The following SKAP1 variants were observed in gnomAD, a reference collection of about 807,000 sequenced individuals.
SKAP1 encodes the protein src kinase associated phosphoprotein 1, also known as src kinase-associated phosphoprotein 1.
A neutral mutation model predicts 58.5 loss-of-function variants in SKAP1; 44 were observed. The observed-to-expected ratio is 0.75, with a 90% CI of 0.59 to 0.97. The LOEUF (loss-of-function observed/expected upper bound fraction) is 0.97, where lower values mean the gene tolerates loss of function less well. Ranked by LOEUF, SKAP1 falls within the 50% of genes least tolerant of loss-of-function variation. SKAP1 has a pLI of 0.00. For synonymous variants in SKAP1, 127 were observed against 149.7 expected, an observed-to-expected ratio of 0.85 and a Z score of 1.11; for missense variants, 390 against 435.2, an observed-to-expected ratio of 0.90 and a Z score of 0.92.
intron 5 of SKAP1, 105 bp from the exon 6 acceptor site, chr17:48,188,031 C>T (rs893337985): frequency 1.2e-6 from 1 of 816,518 alleles, no homozygotes; most frequent in South Asian, 1.6e-5. Context: ...TTTTATTTCC[C>T]AGGTTAATGG....
chr17:48,184,028 T>C (rs1439075578), intron 7 of SKAP1, among the ~76,000 whole-genome samples: 6 of 152,170 alleles, frequency 3.9e-5, no homozygotes, highest in African/African-American at 1.4e-4. Context: ...ACATTTTTGG[T>C]GAAAATCACT....
At chr17:48,420,361 G>A (rs2067778923) in intron 1 of SKAP1, among the ~76,000 whole-genome samples, 1 of 152,166 alleles carries the variant, frequency 6.6e-6, no homozygotes, top group Non-Finnish European at 1.5e-5. Context: ...CTTAGGGAAA[G>A]AACTGTCATT....
chr17:48,227,822 G>T (rs902210170), intron 4 of SKAP1, among the ~76,000 whole-genome samples: 1 of 152,186 alleles, frequency 6.6e-6, no homozygotes, highest in Non-Finnish European at 1.5e-5. Flanking sequence ...TGAGACTTCA[G>T]CGAACTGATC....
At chr17:48,243,542 C>A (rs1286907426) in intron 4 of SKAP1, among the ~76,000 whole-genome samples, 3 of 152,112 alleles carry the variant, frequency 2.0e-5, no homozygotes, top group Admixed American at 6.5e-5. Context: ...AACATGGTAA[C>A]ATATATCCAT....
chr17:48,432,205 C>T (rs907941626), upstream of SKAP1, among the ~76,000 whole-genome samples: 7 of 152,108 alleles, frequency 4.6e-5, no homozygotes, highest in African/African-American at 4.8e-5. Flanking sequence ...CCAAGGCAGG[C>T]GGATCACGAG....
At chr17:48,139,966 G>A (rs926847897) in intron 11 of SKAP1, among the ~76,000 whole-genome samples, 5 of 152,192 alleles carry the variant, frequency 3.3e-5, no homozygotes, top group Non-Finnish European at 5.9e-5. Flanking sequence ...ACCATTGCCT[G>A]TAAAGTAAAT....
In SKAP1 at chr17:48,335,088, A is replaced by G. The variant is rs984596172; in HGVS notation, c.280+10817T>C. 2.8e-4 allele frequency among the ~76,000 whole-genome samples: 42 copies of G among 151,802 alleles called. 1 individual carries two copies. The highest frequency in any genetic ancestry group is 2.1e-4 in the South Asian group (1 of 4,830). On this transcript the variant is annotated intron_variant, in intron 4 of 12. Coordinates refer to ENST00000336915, the MANE Select transcript of SKAP1 (RefSeq NM_003726.4). ...GCTATGTCTATATCATTCTTCTCTTACAATTCCTCAATTAGTATAATATTC... is the reference window on the plus strand; with the variant it reads ...GCTATGTCTATATCATTCTTCTCTTGCAATTCCTCAATTAGTATAATATTC...
intron 1 of SKAP1, among the ~76,000 whole-genome samples, chr17:48,408,970 G>A (rs1163448412): frequency 6.6e-6 from 1 of 152,154 alleles, no homozygotes; most frequent in African/African-American, 2.4e-5. Context: ...ATTTAACCAA[G>A]CTCCCCATCA....
At chr17:48,379,142 T>C (rs944125619) in intron 2 of SKAP1, among the ~76,000 whole-genome samples, 1 of 152,152 alleles carries the variant, frequency 6.6e-6, no homozygotes. Context: ...AATGAAGAAT[T>C]TTTTCCCCCA....
intron 11 of SKAP1, chr17:48,156,494 T>C (rs1338531929): frequency 1.9e-6 from 1 of 526,764 alleles, no homozygotes; most frequent in East Asian, 5.6e-5. Flanking sequence ...TTGAGCTGCA[T>C]CCTGGCTCCG....
At chr17:48,405,602 A>G (rs566200399) in intron 1 of SKAP1, among the ~76,000 whole-genome samples, 1 of 150,702 alleles carries the variant, frequency 6.6e-6, no homozygotes, top group East Asian at 2.0e-4. Flanking sequence ...TCCTGGGTTC[A>G]AGTGATTCCC....
intron 4 of SKAP1, among the ~76,000 whole-genome samples, chr17:48,201,841 C>T (rs1281335741): frequency 6.6e-6 from 1 of 152,190 alleles, no homozygotes; most frequent in Non-Finnish European, 1.5e-5. Context: ...TAACTGATTA[C>T]TCTTTAGGAA....
chr17:48,365,944 T>C (rs766465266), intron 2 of SKAP1, among the ~76,000 whole-genome samples: 9 of 151,820 alleles, frequency 5.9e-5, no homozygotes, highest in Non-Finnish European at 1.3e-4. Flanking sequence ...TCACTAGAGG[T>C]AGAAACTAAA....
intron 4 of SKAP1, among the ~76,000 whole-genome samples, chr17:48,309,809 T>C (rs913591180): frequency 7.2e-5 from 11 of 152,194 alleles, no homozygotes; most frequent in African/African-American, 2.7e-4. Flanking sequence ...CAAATGCTAG[T>C]TCTAGTCCTG....
chr17:48,279,578 G>T (rs2065742986), intron 4 of SKAP1, among the ~76,000 whole-genome samples: 1 of 152,152 alleles, frequency 6.6e-6, no homozygotes, highest in Non-Finnish European at 1.5e-5. Flanking sequence ...TGGACCATTT[G>T]TCAGGTTTTT....
intron 4 of SKAP1, among the ~76,000 whole-genome samples, chr17:48,311,084 C>T (rs987104386): frequency 6.6e-6 from 1 of 152,102 alleles, no homozygotes; most frequent in African/African-American, 2.4e-5. Context: ...AGGTCAGACC[C>T]CGGGATCGGG....
At chr17:48,304,462 A>C (rs961219031) in intron 4 of SKAP1, among the ~76,000 whole-genome samples, 1 of 152,178 alleles carries the variant, frequency 6.6e-6, no homozygotes, top group African/African-American at 2.4e-5. Flanking sequence ...AAGTTATAGA[A>C]GGTAGTGTAG....
At chr17:48,414,495 G>C (rs527668422) in intron 1 of SKAP1, among the ~76,000 whole-genome samples, 26 of 152,236 alleles carry the variant, frequency 1.7e-4, no homozygotes, top group African/African-American at 6.0e-4. Context: ...CAAGCTTGTA[G>C]CAATATACAG....
At chr17:48,401,533 T>A (rs916270129) in intron 1 of SKAP1, among the ~76,000 whole-genome samples, 1 of 152,088 alleles carries the variant, frequency 6.6e-6, no homozygotes, top group Admixed American at 6.5e-5. Context: ...AAAGTTGTTT[T>A]TTCAACAAAT....
Sources: gnomAD v4.1 joint callset for allele counts (sites outside exome capture counted in the v4.1 genomes callset) on GRCh38, gnomAD v4.1.1 for gene constraint, MANE v1.5 for transcripts, NCBI Gene and HGNC (gene_info 2026-07-23, HGNC 2026-07-21) for gene names.